Variants in GRAMD1B observed in about 807,000 individuals in gnomAD.
GRAMD1B encodes the protein GRAM domain containing 1B.
A neutral mutation model predicts 99.7 loss-of-function variants in GRAMD1B; 37 were observed. The observed-to-expected ratio is 0.37, with a 90% CI of 0.29 to 0.49. The LOEUF (loss-of-function observed/expected upper bound fraction) is 0.49, where lower values mean the gene tolerates loss of function less well. Ranked by LOEUF, GRAMD1B falls within the 20% of genes least tolerant of loss-of-function variation. The probability of loss-of-function intolerance (pLI) is 0.98; values close to 1 mark genes in which losing one functional copy is unlikely to be tolerated. For missense variants in GRAMD1B, 888 were observed against 1,009.2 expected (o/e 0.88, Z 1.63); for synonymous variants, 427 against 387.6 (o/e 1.10, Z -1.19).
chr11:123,520,313 A>G (rs1257616908), intron 2 of GRAMD1B, among the ~76,000 whole-genome samples: 2 of 152,210 alleles, frequency 1.3e-5, no homozygotes, highest in Admixed American at 6.5e-5. Context: ...CTGTGAAAGT[A>G]TAGCTGTGAA....
chr11:123,364,601 G>A (rs148904470), intron 1 of GRAMD1B, among the ~76,000 whole-genome samples: 1 of 152,336 alleles, frequency 6.6e-6, no homozygotes, highest in African/African-American at 2.4e-5. Flanking sequence ...GCACGTTGAG[G>A]AAGAAGAGGA....
intron 1 of GRAMD1B, among the ~76,000 whole-genome samples, chr11:123,412,150 A>G (rs891640993): frequency 1.3e-5 from 2 of 152,226 alleles, no homozygotes; most frequent in Non-Finnish European, 2.9e-5. Flanking sequence ...TAGTTAATAT[A>G]CAGTGGATAT....
At position 123,526,379 on chromosome 11, in the gene GRAMD1B, C is replaced by T. The variant is rs565641586; in HGVS notation, c.452+45486C>T. Among the ~76,000 whole-genome samples, 13 of 152,194 alleles carry T rather than the reference C, an allele frequency of 8.5e-5. No homozygotes were observed. In the South Asian group the frequency reaches 1.0e-3, roughly 12 times the overall value. ...GCTGCACTATTTTCCTTACCTTCTTCGAGGTCGGGGGTTTTGTGGAAGTTG... is the reference window on the plus strand; with the variant it reads ...GCTGCACTATTTTCCTTACCTTCTTTGAGGTCGGGGGTTTTGTGGAAGTTG... On this transcript the variant is annotated intron_variant, in intron 2 of 19. Transcript: ENST00000635736.
chr11:123,452,354 G>T (rs980224806), intron 1 of GRAMD1B, among the ~76,000 whole-genome samples: 2 of 152,138 alleles, frequency 1.3e-5, no homozygotes, highest in Admixed American at 6.5e-5. Flanking sequence ...TCTGGTAGAA[G>T]ACCTTCCTTG....
chr11:123,428,210 C>T (rs1035437695), upstream of GRAMD1B, among the ~76,000 whole-genome samples: 1 of 152,150 alleles, frequency 6.6e-6, no homozygotes, highest in Non-Finnish European at 1.5e-5. Context: ...TTATCAGATC[C>T]CTTGCAAAAC....
intron 1 of GRAMD1B, among the ~76,000 whole-genome samples, chr11:123,375,882 G>T (rs1946676643): frequency 6.6e-6 from 1 of 152,182 alleles, no homozygotes; most frequent in African/African-American, 2.4e-5. Context: ...GATATTTACT[G>T]AGCGCCTGCT....
rs1953323220 is a variant in GRAMD1B at position 123,610,011 on chromosome 11, C to A, written c.1776+98C>A. The A allele has an allele frequency of 1.2e-6, 1 of 858,496 alleles. No homozygotes were observed. Among genetic ancestry groups the A allele is most frequent in the Admixed American group, 2.1e-5 (1 of 46,642 alleles). The allele number at this position is 858,496 out of a possible 1,614,324, so 53.2% of individuals were successfully genotyped here. ...GATGTCAGGAAGAAGTTTCAGGGCG[C>A]AAGTGTCATTTTGCCCCAAAGCGGT... On this transcript the variant is annotated intron_variant, in intron 13 of 19. Coordinates refer to ENST00000635736, the MANE Select transcript of GRAMD1B (RefSeq NM_001387025.1). The surrounding 1 kb of genome is among the most constrained non-coding windows in gnomAD (Gnocchi z 4.1).
chr11:123,546,427 G>T (rs1323813818), intron 2 of GRAMD1B, among the ~76,000 whole-genome samples: 1 of 152,192 alleles, frequency 6.6e-6, no homozygotes, highest in African/African-American at 2.4e-5. Flanking sequence ...TTCAGCTCAA[G>T]GTTTCTTTTT....
rs536681101 is a variant in GRAMD1B at position 123,622,586 on chromosome 11, C to T, written c.2625C>T (p.Arg875=). The T allele has an allele frequency of 4.6e-5, 71 of 1,544,736 alleles. 1 individual carries two copies. In the South Asian group the frequency reaches 7.7e-4, roughly 17 times the overall value. The stretch of plus-strand genomic sequence containing the variant: ...CGGAAAGTGAAGAAAAGAGGAATCG[C>T]TATCATTGACAAGGCAGGAACAGGG... ...YTSESEEKRN[R]YH Residue 875 remains arginine (R), a synonymous_variant, in exon 20 of 20, where the codon CGC becomes CGT. Transcript: ENST00000635736.
chr11:123,494,516 T>C (rs745517749), intron 2 of GRAMD1B, among the ~76,000 whole-genome samples: 4 of 151,984 alleles, frequency 2.6e-5, no homozygotes, highest in Non-Finnish European at 4.4e-5. Context: ...CTTCCCCAAG[T>C]TCCCAGCTTA....
intron 1 of GRAMD1B, among the ~76,000 whole-genome samples, chr11:123,390,395 A>G (rs144868545): frequency 6.6e-6 from 1 of 152,270 alleles, no homozygotes; most frequent in East Asian, 1.9e-4. Context: ...GGCACTCTGT[A>G]CGCATCACCC....
chr11:123,422,546 A>G (rs974218075), intron 1 of GRAMD1B, among the ~76,000 whole-genome samples: 2 of 152,226 alleles, frequency 1.3e-5, no homozygotes, highest in Admixed American at 6.5e-5. Flanking sequence ...TTTGGCAAAC[A>G]TGCTGTCCTA....
chr11:123,488,599 C>T (rs926815307), intron 2 of GRAMD1B, among the ~76,000 whole-genome samples: 10 of 152,290 alleles, frequency 6.6e-5, no homozygotes, highest in African/African-American at 2.4e-4. Context: ...CGTGTCGGAA[C>T]GGAGGTGTGA....
intron 1 of GRAMD1B, among the ~76,000 whole-genome samples, chr11:123,450,561 G>A (rs993818716): frequency 1.3e-5 from 2 of 152,134 alleles, no homozygotes; most frequent in Non-Finnish European, 2.9e-5. Flanking sequence ...GAATTATTTG[G>A]CCACATCACT....
At chr11:123,475,496 T>C (rs1296516826) in intron 1 of GRAMD1B, among the ~76,000 whole-genome samples, 1 of 152,226 alleles carries the variant, frequency 6.6e-6, no homozygotes, top group Non-Finnish European at 1.5e-5. Context: ...ACAGTGAATT[T>C]TATCTGAAGC....
chr11:123,430,191 G>GC (rs1219762853), upstream of GRAMD1B, among the ~76,000 whole-genome samples: 1 of 151,804 alleles, frequency 6.6e-6, no homozygotes, highest in Non-Finnish European at 1.5e-5. Flanking sequence ...ATTCAGGATA[G>GC]CCCCCCTCAC....
intron 1 of GRAMD1B, among the ~76,000 whole-genome samples, chr11:123,384,019 C>T (rs1460538491): frequency 6.6e-6 from 1 of 151,916 alleles, no homozygotes; most frequent in East Asian, 1.9e-4. Flanking sequence ...TACAGGCATG[C>T]ACCACCACGC....
chr11:123,410,083 C>G (rs1397464909), intron 1 of GRAMD1B, among the ~76,000 whole-genome samples: 1 of 152,068 alleles, frequency 6.6e-6, no homozygotes, highest in East Asian at 1.9e-4. Context: ...CTAATCAGCA[C>G]AGGGAGGCCT....
At chr11:123,474,581 C>T (rs905567514) in intron 1 of GRAMD1B, among the ~76,000 whole-genome samples, 1 of 152,126 alleles carries the variant, frequency 6.6e-6, no homozygotes, top group African/African-American at 2.4e-5. Context: ...GGTTAGAAGG[C>T]TAATAAGAAA....
Sources: allele counts gnomAD v4.1 joint callset (sites outside exome capture counted in the v4.1 genomes callset), GRCh38; gene constraint gnomAD v4.1.1; non-coding constraint Gnocchi (gnomAD v3.1); transcripts MANE v1.5; gene names NCBI Gene and HGNC (gene_info 2026-07-23, HGNC 2026-07-21).